The following GPC6 variants were observed in gnomAD, a reference collection of about 807,000 sequenced individuals.
GPC6 encodes glypican 6.
In GPC6, 14 loss-of-function variants were observed where a neutral mutation model predicts 55.2. The observed-to-expected ratio is 0.25, with a 90% CI of 0.17 to 0.40. The LOEUF is 0.40. Among genes scored for constraint, GPC6 ranks in the 10% least tolerant of loss-of-function variants. The pLI, the probability that GPC6 is intolerant of heterozygous loss-of-function variation, is 1.00. For missense variants in GPC6, 641 were observed against 708.5 expected, an observed-to-expected ratio of 0.90 and a Z score of 1.08; for synonymous variants, 278 against 259.6, an observed-to-expected ratio of 1.07 and a Z score of -0.68.
At chr13:94,295,420 G>A (rs1168718768) in intron 5 of GPC6, among the ~76,000 whole-genome samples, 1 of 152,108 alleles carries the variant, frequency 6.6e-6, no homozygotes, top group Non-Finnish European at 1.5e-5. Context: ...GATAGTCTGT[G>A]GGGTTGTTTT....
At chr13:93,438,772 A>G (rs140480559) in intron 1 of GPC6, among the ~76,000 whole-genome samples, 14 of 152,334 alleles carry the variant, frequency 9.2e-5, no homozygotes, top group Non-Finnish European at 1.8e-4. Context: ...AGGGTCTGAG[A>G]AGATTGACTC....
chr13:93,671,297 A>C, intron 2 of GPC6, among the ~76,000 whole-genome samples: 1 of 150,612 alleles, frequency 6.6e-6, no homozygotes, highest in East Asian at 2.0e-4. Context: ...TTCCTCGAAG[A>C]TCTCCCGGGA....
At chr13:94,342,080 A>G (rs1210884273) in intron 6 of GPC6, among the ~76,000 whole-genome samples, 1 of 152,258 alleles carries the variant, frequency 6.6e-6, no homozygotes, top group South Asian at 2.1e-4. Flanking sequence ...GGGATTCTGC[A>G]TCAACATCTG....
chr13:93,912,704 C>G (rs937513433), intron 3 of GPC6, among the ~76,000 whole-genome samples: 2 of 152,168 alleles, frequency 1.3e-5, no homozygotes, highest in Non-Finnish European at 2.9e-5. Context: ...GATTGCGCCA[C>G]TGCACTCCAG....
chr13:93,694,861 A>G (rs748898623), intron 2 of GPC6, among the ~76,000 whole-genome samples: 3 of 151,922 alleles, frequency 2.0e-5, no homozygotes, highest in Non-Finnish European at 4.4e-5. Flanking sequence ...TGTCATTCTC[A>G]CTGGGCCTTG....
intron 4 of GPC6, among the ~76,000 whole-genome samples, chr13:94,261,037 G>T (rs924347346): frequency 2.0e-5 from 3 of 152,162 alleles, no homozygotes; most frequent in African/African-American, 4.8e-5. Flanking sequence ...ACTTTGGGAG[G>T]CCAAGGTGGG....
chr13:93,314,710 G>A (rs943543252), intron 1 of GPC6, among the ~76,000 whole-genome samples: 2 of 132,518 alleles, frequency 1.5e-5, no homozygotes, highest in African/African-American at 3.0e-5. Flanking sequence ...AAAACAAGGA[G>A]GGGTGTGTGT....
At chr13:93,234,429 G>C (rs867105847) in intron 1 of GPC6, among the ~76,000 whole-genome samples, 1 of 152,110 alleles carries the variant, frequency 6.6e-6, no homozygotes, top group Non-Finnish European at 1.5e-5. Context: ...TTAACAAGCT[G>C]TTGAATAAGT....
At chr13:93,449,450 G>A (rs12877660) in intron 1 of GPC6, among the ~76,000 whole-genome samples, 32,791 of 152,082 alleles carry the variant, frequency 0.22, 3,659 homozygotes, top group Middle Eastern at 0.29. Flanking sequence ...GGCTGGGTTA[G>A]TCTCCTTAGC....
chr13:93,343,011 A>G (rs989854017), intron 1 of GPC6, among the ~76,000 whole-genome samples: 19 of 152,274 alleles, frequency 1.2e-4, no homozygotes, highest in African/African-American at 4.6e-4. Flanking sequence ...TCATTGATAC[A>G]CACTGGATAT....
intron 3 of GPC6, among the ~76,000 whole-genome samples, chr13:94,007,749 G>A (rs1052375133): frequency 1.3e-5 from 2 of 152,058 alleles, no homozygotes; most frequent in Non-Finnish European, 2.9e-5. Flanking sequence ...AGCCCATTGT[G>A]AGTACTGGCT....
intron 1 of GPC6, among the ~76,000 whole-genome samples, chr13:93,275,844 A>G (rs1877714095): frequency 6.6e-6 from 1 of 152,108 alleles, no homozygotes. Flanking sequence ...TTTTGGAGGG[A>G]TGCAGTTTCG....
intron 1 of GPC6, among the ~76,000 whole-genome samples, chr13:93,322,345 CT>C (rs1188564973): frequency 6.6e-6 from 1 of 150,964 alleles, no homozygotes; most frequent in East Asian, 1.9e-4. Flanking sequence ...TCAATGTGTT[CT>C]CATCATTTAA....
At chr13:93,919,772 C>A (rs1877478069) in intron 3 of GPC6, among the ~76,000 whole-genome samples, 1 of 152,180 alleles carries the variant, frequency 6.6e-6, no homozygotes, top group Non-Finnish European at 1.5e-5. Context: ...CATCTCATTT[C>A]TGTTTTTCAT....
chr13:94,362,650 A>G (rs990147598), intron 6 of GPC6, among the ~76,000 whole-genome samples: 1 of 152,160 alleles, frequency 6.6e-6, no homozygotes, highest in Non-Finnish European at 1.5e-5. Flanking sequence ...GAAGGAAAAG[A>G]GGGTGACGTC....
intron 1 of GPC6, among the ~76,000 whole-genome samples, chr13:93,298,753 C>T (rs1033272609): frequency 1.3e-5 from 2 of 151,936 alleles, no homozygotes; most frequent in Non-Finnish European, 2.9e-5. Context: ...CCATGGGTTT[C>T]TCTGTCTTTT....
chr13:93,988,040 C>T (rs1430793845), intron 3 of GPC6, among the ~76,000 whole-genome samples: 2 of 152,140 alleles, frequency 1.3e-5, no homozygotes, highest in Non-Finnish European at 2.9e-5. Context: ...TCTGCATCTA[C>T]TCCTTCTTCA....
At chr13:93,768,111 G>A (rs1034934165) in intron 2 of GPC6, among the ~76,000 whole-genome samples, 1 of 152,114 alleles carries the variant, frequency 6.6e-6, no homozygotes, top group East Asian at 1.9e-4. Flanking sequence ...CTCATGTGGC[G>A]TGGAGGCCAC....
At chr13:94,057,940 T>A (rs1884185504) in intron 4 of GPC6, among the ~76,000 whole-genome samples, 1 of 152,196 alleles carries the variant, frequency 6.6e-6, no homozygotes, top group Non-Finnish European at 1.5e-5. Context: ...TTCATAACTG[T>A]ACTCATTATC....
Sources: gnomAD v4.1 joint callset for allele counts (sites outside exome capture counted in the v4.1 genomes callset) on GRCh38, gnomAD v4.1.1 for gene constraint, MANE v1.5 for transcripts, NCBI Gene and HGNC (gene_info 2026-07-23, HGNC 2026-07-21) for gene names.